The following DLST variants were observed in gnomAD, a reference collection of about 807,000 sequenced individuals.
DLST encodes dihydrolipoamide S-succinyltransferase.
DLST carries 17 observed loss-of-function variants against 53.1 expected under a neutral mutation model. The ratio of observed to expected loss-of-function variants is 0.32; its 90% confidence interval spans 0.22 to 0.48. DLST has a LOEUF of 0.48. Among genes scored for constraint, DLST ranks in the 20% least tolerant of loss-of-function variants. DLST has a pLI of 0.99. For synonymous variants in DLST, 206 were observed against 204.8 expected (o/e 1.01, Z -0.05); for missense variants, 512 against 583.9 (o/e 0.88, Z 1.27).
chr14:74,891,657 A>T (rs145174195), intron 7 of DLST: 3 of 984,944 alleles, frequency 3.0e-6, no homozygotes, highest in Admixed American at 1.2e-4. Context: ...GAAATGAGAA[A>T]CGAATTTGTA....
In DLST at chr14:74,892,575, C is replaced by T. The variant is rs569396282; in HGVS notation, c.443-259C>T. ...TTGATAGGTGCTTTGAAAGTACTTG[C>T]TGAATTTATTCAGTGGAAACCTGTG... is the stretch of plus-strand genomic sequence containing the variant. On this transcript the variant is annotated intron_variant, in intron 7 of 14. Transcript: ENST00000334220. Among the ~76,000 whole-genome samples the T allele has an allele frequency of 8.6e-5, 13 of 150,968 alleles. No individual in the cohort carries two copies. The South Asian group carries it at 2.5e-3, about 29-fold the overall frequency.
chr14:74,894,520 T>A, intron 10 of DLST, 111 bp downstream of exon 10: 1 of 1,129,884 alleles, frequency 8.9e-7, no homozygotes, highest in Non-Finnish European at 1.3e-6. Flanking sequence ...AGGGAAGAGG[T>A]ATTTGTTTAT....
intron 2 of DLST, 25 bp downstream of exon 2, chr14:74,882,649 T>C (rs1052450843): frequency 3.7e-6 from 6 of 1,612,408 alleles, no homozygotes; most frequent in Non-Finnish European, 5.1e-6. Context: ...TACCGTCACC[T>C]AAAATGCTCT....
intron 9 of DLST, among the ~76,000 whole-genome samples, chr14:74,893,927 A>T (rs1009075383): frequency 1.3e-5 from 2 of 152,220 alleles, no homozygotes; most frequent in African/African-American, 2.4e-5. Flanking sequence ...TTTGTTGCTC[A>T]TGAGGTTCTG....
chr14:74,893,723 C>A (rs1439610778), intron 9 of DLST, among the ~76,000 whole-genome samples: 2 of 152,128 alleles, frequency 1.3e-5, no homozygotes. Flanking sequence ...CCCGTCCTCC[C>A]ACGATGTCAC....
chr14:74,883,336 C>T (rs1031930286), intron 2 of DLST, among the ~76,000 whole-genome samples: 3 of 149,820 alleles, frequency 2.0e-5, no homozygotes, highest in African/African-American at 7.4e-5. Context: ...CAGAATGTGA[C>T]GGAGCTAACC....
intron 10 of DLST, among the ~76,000 whole-genome samples, chr14:74,894,657 T>C (rs1884020672): frequency 6.6e-6 from 1 of 152,170 alleles, no homozygotes; most frequent in Admixed American, 6.5e-5. Flanking sequence ...GCCATTCTCC[T>C]GCCTCAGCCT....
At chr14:74,900,667 T>G (rs1026890322) in intron 13 of DLST, among the ~76,000 whole-genome samples, 1 of 152,242 alleles carries the variant, frequency 6.6e-6, no homozygotes, top group South Asian at 2.1e-4. Context: ...GCCGAACAAC[T>G]GTCACACGGA....
intron 14 of DLST, 97 bp downstream of exon 14, chr14:74,901,330 C>A: frequency 1.6e-6 from 2 of 1,255,780 alleles, no homozygotes; most frequent in Non-Finnish European, 2.2e-6. Flanking sequence ...TAATTTCAGG[C>A]CTAAGTTCCA....
intron 3 of DLST, among the ~76,000 whole-genome samples, chr14:74,887,116 T>A (rs1334522284): frequency 6.6e-6 from 1 of 152,204 alleles, no homozygotes; most frequent in Non-Finnish European, 1.5e-5. Flanking sequence ...ATCTCAGATT[T>A]AATATCTGAT....
chr14:74,901,648 G>C (rs573468344), intron 14 of DLST, among the ~76,000 whole-genome samples: 2 of 152,312 alleles, frequency 1.3e-5, no homozygotes, highest in Admixed American at 1.3e-4. Context: ...GGAGTTCAGA[G>C]AATTAAGTAT....
At position 74,893,364 on chromosome 14, in the gene DLST, C is replaced by T. The variant is rs775350743; in HGVS notation, c.612C>T (p.Pro204=). Residue 204 remains proline, a synonymous_variant, in exon 9 of 15, where the codon CCC becomes CCT. Coordinates refer to ENST00000334220, the MANE Select transcript of DLST (RefSeq NM_001933.5). Reference sequence around the variant, plus strand: ...CATTTTCAGTGTCTGCAGTAAAACCCACTGTTGCCCCACCACTAGCTGAGC... The same window carrying T: ...CATTTTCAGTGTCTGCAGTAAAACCTACTGTTGCCCCACCACTAGCTGAGC... ...PSGKPVSAVK[P]TVAPPLAEPG... 3 of 1,614,062 alleles carry T rather than the reference C, an allele frequency of 1.9e-6. No homozygotes were observed. In the African/African-American group the frequency reaches 4.0e-5, roughly 22 times the overall value.
intron 12 of DLST, 74 bp from the exon 13 acceptor site, chr14:74,900,215 T>C: frequency 7.1e-7 from 1 of 1,404,282 alleles, no homozygotes; most frequent in East Asian, 2.3e-5. Flanking sequence ...ATACCATGGG[T>C]TGAATCAAGG....
At chr14:74,900,479 C>T (rs971441063) in intron 13 of DLST, 107 bp downstream of exon 13, 4 of 954,910 alleles carry the variant, frequency 4.2e-6, no homozygotes, top group Non-Finnish European at 6.6e-6. Context: ...AGTGCATAGC[C>T]CCTGAGAAAA....
At position 74,902,216 on chromosome 14, in the gene DLST, G is replaced by A. The variant is rs1446620226; in HGVS notation, c.1248G>A (p.Met416Ile). 2 of 1,605,894 alleles carry A rather than the reference G, an allele frequency of 1.2e-6. No individual in the cohort carries two copies. Among genetic ancestry groups the A allele is most frequent in the Non-Finnish European group, 1.7e-6 (2 of 1,175,104 alleles). ...IGGKVEVRPM[M>I]YVALTYDHRL... ...TGTAGGTAGAGGTGCGGCCCATGAT[G>A]TACGTGGCACTGACCTATGATCACC... The change falls in exon 15 of 15, where the codon ATG (methionine) becomes ATA (isoleucine). Residue 416 changes from methionine to isoleucine, a missense_variant. Transcript: ENST00000334220.
At position 74,885,605 on chromosome 14, in the gene DLST, A is replaced by G. The variant is rs749366879; in HGVS notation, c.117A>G (p.Gly39=). 6.2e-7 allele frequency: 1 copy of G among 1,613,956 alleles called. No homozygotes were observed. The highest frequency in any genetic ancestry group is 1.7e-5 in the Admixed American group (1 of 60,022). The change falls in exon 3 of 15, where the codon GGA becomes GGG. Residue 39 remains glycine, a synonymous_variant. Transcript: ENST00000334220. ...TTGCAGGGGTCTCCTTATGCCAGGG[A>G]CCAGGTTACCCTAACAGCAGGAAGG... is the stretch of plus-strand genomic sequence containing the variant. ...RSLPGVSLCQ[G]PGYPNSRKVV...
chr14:74,893,213 G>T, intron 8 of DLST, 135 bp from the exon 9 acceptor site: 4 of 1,109,130 alleles, frequency 3.6e-6, no homozygotes, highest in Non-Finnish European at 5.3e-6. Context: ...TTGTTCATCT[G>T]TGAAGTTGGA....
chr14:74,896,452 T>C (rs1884080631), intron 10 of DLST, among the ~76,000 whole-genome samples: 1 of 152,218 alleles, frequency 6.6e-6, no homozygotes, highest in Non-Finnish European at 1.5e-5. Flanking sequence ...GAGGGTTTAG[T>C]CTGCGAATCT....
In DLST at chr14:74,881,933, G is replaced by T; in HGVS notation, c.-21G>T. On this transcript the variant is annotated 5_prime_UTR_variant, in exon 1 of 15. Transcript: ENST00000334220. The stretch of plus-strand genomic sequence containing the variant: ...CCGGCCCTATATCCGGTGTCCGCCC[G>T]CCCTCGGCTCCTCCGCCGTGATGCT... 2 of 1,529,368 alleles carry T rather than the reference G, an allele frequency of 1.3e-6. No homozygotes were observed. Among genetic ancestry groups the T allele is most frequent in the Non-Finnish European group, 1.7e-6 (2 of 1,144,368 alleles). The allele number at this position is 1,529,368 out of a possible 1,614,324, so 94.7% of individuals were successfully genotyped here.
Sources: allele counts gnomAD v4.1 joint callset (sites outside exome capture counted in the v4.1 genomes callset), GRCh38; gene constraint gnomAD v4.1.1; transcripts MANE v1.5; gene names NCBI Gene and HGNC (gene_info 2026-07-23, HGNC 2026-07-21).